LCOR: variants seen among roughly 807,000 people sequenced by gnomAD.
LCOR encodes ligand dependent nuclear receptor corepressor.
Under a neutral mutation model 64.4 loss-of-function variants are expected in LCOR, and 14 were observed. The observed-to-expected ratio is 0.22, with a 90% confidence interval of 0.14 to 0.34. The LOEUF is 0.34. Ranked by LOEUF, LCOR falls within the 10% of genes least tolerant of loss-of-function variation. The probability of loss-of-function intolerance (pLI) is 1.00; values close to 1 mark genes in which losing one functional copy is unlikely to be tolerated. For missense variants in LCOR, 1,686 were observed against 1,765.3 expected (o/e 0.96, Z 0.80); for synonymous variants, 643 against 642.5 (o/e 1.00, Z -0.01).
In LCOR at chr10:96,982,144, G is replaced by A. The variant is rs201053479; in HGVS notation, c.1684G>A (p.Glu562Lys). 6.8e-6 allele frequency: 11 copies of A among 1,614,200 alleles called. No individual in the cohort carries two copies. In the East Asian group the frequency reaches 2.2e-4, roughly 33 times the overall value. The change falls in exon 8 of 8, where the codon GAA becomes AAA. Residue 562 changes from glutamate (E) to lysine (K), a missense_variant. This residue lies in a region of LCOR where 1,293 missense variants were observed against 1,410.4 expected (regional missense o/e 0.92). Coordinates refer to ENST00000421806, the MANE Select transcript of LCOR (RefSeq NM_001346516.2). The stretch of plus-strand genomic sequence containing the variant: ...TACAGTAGATGTGCAGCTTCCCAGA[G>A]AAGACAACCCTGAAGAACCTAGCAA... ...RHTVDVQLPR[E>K]DNPEEPSKEI... is the part of the protein sequence containing the mutation.
At chr10:96,943,903 A>G (rs1847542207) in intron 4 of LCOR, among the ~76,000 whole-genome samples, 1 of 152,202 alleles carries the variant, frequency 6.6e-6, no homozygotes, top group South Asian at 2.1e-4. Context: ...CTCATAGTCA[A>G]AAAAAGAAGT....
intron 2 of LCOR, among the ~76,000 whole-genome samples, chr10:96,884,547 A>G (rs1846311969): frequency 6.6e-6 from 1 of 152,168 alleles, no homozygotes; most frequent in African/African-American, 2.4e-5. Context: ...TGTCTCTAGG[A>G]CAGCACTTCT....
intron 6 of LCOR, among the ~76,000 whole-genome samples, chr10:96,949,833 A>T (rs992068886): frequency 2.0e-5 from 3 of 152,240 alleles, no homozygotes; most frequent in Admixed American, 6.5e-5. Flanking sequence ...TGTTTTATAA[A>T]TACAGAAACA....
At chr10:96,966,295 C>G (rs1308514793) in intron 7 of LCOR, among the ~76,000 whole-genome samples, 2 of 124,174 alleles carry the variant, frequency 1.6e-5, no homozygotes, top group Admixed American at 2.1e-4. Context: ...GTGGCGCGAT[C>G]TCGGCTCACT....
At chr10:96,915,749 A>G in intron 4 of LCOR, 1 of 641,996 alleles carries the variant, frequency 1.6e-6, no homozygotes, top group Non-Finnish European at 2.9e-6. Context: ...CCCTTTGGGT[A>G]CCTTCTCTCC....
rs1456680101 is a variant in LCOR, at chr10:96,984,946, A to G, written c.4486A>G (p.Lys1496Glu). ...IASETLTKPA[K>E]QKGAGESSSR... ...CTCGGAAACACTGACGAAACCTGCA[A>G]AACAGAAGGGGGCCGGTGAATCCTC... The change falls in exon 8 of 8, where the codon AAA becomes GAA. Residue 1496 changes from lysine (K) to glutamate (E), a missense_variant. By Grantham distance (56) the Lys-to-Glu change is moderately conservative. Coordinates refer to ENST00000421806, the MANE Select transcript of LCOR (RefSeq NM_001346516.2). The G allele has an allele frequency of 1.9e-6, 3 of 1,614,050 alleles. No homozygotes were observed. The African/African-American group carries it at 4.0e-5, about 22-fold the overall frequency.
In LCOR at chr10:96,929,635, A is replaced by G. The variant is rs542981910; in HGVS notation, c.-183-14478A>G. The stretch of plus-strand genomic sequence containing the variant: ...TTGTGTTCACTGGAGTAGCACATCT[A>G]ATTTTCCTTAAGAACTTTTTCCTTT... On this transcript the variant is annotated intron_variant, in intron 4 of 7. Coordinates refer to ENST00000421806, the MANE Select transcript of LCOR (RefSeq NM_001346516.2). Among the ~76,000 whole-genome samples, 17 of 152,286 alleles carry G rather than the reference A, an allele frequency of 1.1e-4. No homozygotes were observed. In the South Asian group the frequency reaches 3.3e-3, roughly 30 times the overall value.
At chr10:96,898,818 C>T (rs760665330) in intron 2 of LCOR, among the ~76,000 whole-genome samples, 2 of 152,098 alleles carry the variant, frequency 1.3e-5, no homozygotes, top group Non-Finnish European at 2.9e-5. Context: ...TAGTGCTTGC[C>T]TGATACCAAA....
chr10:96,945,852 C>A (rs1164036743), intron 5 of LCOR, among the ~76,000 whole-genome samples: 12 of 151,902 alleles, frequency 7.9e-5, no homozygotes, highest in Admixed American at 2.0e-4. Flanking sequence ...CAGAAAAATT[C>A]TGTCGTACTT....
At chr10:96,980,770 C>T in intron 7 of LCOR, 23 bp from the exon 8 acceptor site, 1 of 655,642 alleles carries the variant, frequency 1.5e-6, no homozygotes, top group Non-Finnish European at 2.8e-6. Flanking sequence ...ATACTAATTC[C>T]TTCTTTCTCT....
intron 4 of LCOR, among the ~76,000 whole-genome samples, chr10:96,929,389 G>A (rs1847219267): frequency 6.6e-6 from 1 of 152,224 alleles, no homozygotes; most frequent in African/African-American, 2.4e-5. Flanking sequence ...TTGTTACAGA[G>A]ATGACTTCTT....
chr10:96,888,598 A>G (rs186901144), intron 2 of LCOR, among the ~76,000 whole-genome samples: 10 of 152,256 alleles, frequency 6.6e-5, no homozygotes, highest in African/African-American at 2.4e-4. Flanking sequence ...CCAAATGACC[A>G]GTAATGATGT....
intron 2 of LCOR, among the ~76,000 whole-genome samples, chr10:96,856,092 A>T (rs1845799417): frequency 6.7e-6 from 1 of 149,626 alleles, no homozygotes; most frequent in Non-Finnish European, 1.5e-5. Flanking sequence ...TTTTTTTGAG[A>T]CGGAGTCTCG....
chr10:96,847,722 G>A (rs1221979414), intron 2 of LCOR, among the ~76,000 whole-genome samples: 4 of 152,264 alleles, frequency 2.6e-5, no homozygotes, highest in South Asian at 2.1e-4. Context: ...GATTACAGGC[G>A]TGAACCACCC....
Position 96,833,473 on chromosome 10 carries a change from C to T in LCOR, c.-336C>T. On this transcript the variant is annotated 5_prime_UTR_variant, in exon 2 of 8. Coordinates refer to ENST00000421806, the MANE Select transcript of LCOR (RefSeq NM_001346516.2). ...CTTAACTCATATATTTAACCCCCCTCCAAAAAGTAAGTGGCCCGTGTGGTG... is the reference window on the plus strand; with the variant it reads ...CTTAACTCATATATTTAACCCCCCTTCAAAAAGTAAGTGGCCCGTGTGGTG... The T allele has an allele frequency of 3.0e-6, 3 of 985,914 alleles. No individual in the cohort carries two copies. Among genetic ancestry groups the T allele is most frequent in the East Asian group, 1.1e-4 (1 of 8,810 alleles). The allele number at this position is 985,914 out of a possible 1,614,324, so 61.1% of individuals were successfully genotyped here.
chr10:96,849,579 G>A (rs1053232801), intron 2 of LCOR, among the ~76,000 whole-genome samples: 2 of 152,108 alleles, frequency 1.3e-5, no homozygotes, highest in Admixed American at 6.6e-5. Flanking sequence ...TTTGAACACC[G>A]AAGTAACACC....
intron 7 of LCOR, among the ~76,000 whole-genome samples, chr10:96,965,647 G>C: frequency 7.5e-6 from 1 of 132,614 alleles, no homozygotes; most frequent in Non-Finnish European, 1.5e-5. Context: ...GGGCGACAGA[G>C]CGAGACTCTG....
chr10:96,836,674 G>C (rs990505199), intron 2 of LCOR, among the ~76,000 whole-genome samples: 17 of 152,180 alleles, frequency 1.1e-4, no homozygotes, highest in African/African-American at 4.1e-4. Flanking sequence ...GTTGATGGAC[G>C]ATTTCGTGAA....
intron 2 of LCOR, among the ~76,000 whole-genome samples, chr10:96,893,428 A>G (rs955865538): frequency 6.6e-6 from 1 of 152,188 alleles, no homozygotes; most frequent in African/African-American, 2.4e-5. Flanking sequence ...TAATCACGTT[A>G]TAAATTTATA....
Sources: allele counts gnomAD v4.1 joint callset (sites outside exome capture counted in the v4.1 genomes callset), GRCh38; gene constraint gnomAD v4.1.1; regional missense constraint gnomAD v4.1.1; transcripts MANE v1.5; gene names NCBI Gene and HGNC (gene_info 2026-07-23, HGNC 2026-07-21).